PTPRD: variants seen among roughly 807,000 people sequenced by gnomAD.
PTPRD encodes protein tyrosine phosphatase receptor type D, also known as receptor-type tyrosine-protein phosphatase delta.
Under a neutral mutation model 214.5 loss-of-function variants are expected in PTPRD, and 34 were observed. The observed-to-expected ratio is 0.16, with a 90% CI of 0.12 to 0.21. The LOEUF (loss-of-function observed/expected upper bound fraction) is 0.21. PTPRD is among the 10% of genes least tolerant of loss of function. PTPRD has a pLI of 1.00. For missense variants in PTPRD, 2,545 were observed against 2,398.7 expected, an observed-to-expected ratio of 1.06 and a Z score of -1.27; for synonymous variants, 1,128 against 845.7, an observed-to-expected ratio of 1.33 and a Z score of -5.79.
chr9:9,528,723 G>C (rs893458261), intron 8 of PTPRD, among the ~76,000 whole-genome samples: 1 of 151,742 alleles, frequency 6.6e-6, no homozygotes, highest in Admixed American at 6.6e-5. Flanking sequence ...GAAGAAAAAG[G>C]AAATATTGCA....
At chr9:8,706,054 A>T (rs539176738) in intron 12 of PTPRD, among the ~76,000 whole-genome samples, 9 of 152,328 alleles carry the variant, frequency 5.9e-5, no homozygotes, top group African/African-American at 2.2e-4. Flanking sequence ...TACAGGACTC[A>T]AATTCTCCCA....
chr9:10,027,198 A>G (rs1312128909), intron 4 of PTPRD, among the ~76,000 whole-genome samples: 2 of 152,216 alleles, frequency 1.3e-5, no homozygotes, highest in African/African-American at 4.8e-5. Flanking sequence ...GAATGAATAT[A>G]TTATATCATA....
intron 2 of PTPRD, among the ~76,000 whole-genome samples, chr9:10,575,509 C>T (rs1349286939): frequency 6.6e-6 from 1 of 152,072 alleles, no homozygotes; most frequent in Non-Finnish European, 1.5e-5. Context: ...TAACTGTGCA[C>T]ATTCTCCTTG....
At chr9:8,504,050 A>G (rs1180437280) in intron 23 of PTPRD, among the ~76,000 whole-genome samples, 5 of 152,202 alleles carry the variant, frequency 3.3e-5, no homozygotes, top group African/African-American at 1.2e-4. Flanking sequence ...CTTTCAGTGT[A>G]GGAAGTGGGA....
At chr9:10,434,049 T>C (rs2154521509) in intron 2 of PTPRD, among the ~76,000 whole-genome samples, 1 of 152,112 alleles carries the variant, frequency 6.6e-6, no homozygotes, top group South Asian at 2.1e-4. Flanking sequence ...CTGAATACTA[T>C]ATTTTAAATG....
In PTPRD at chr9:8,341,170, T is replaced by C; in HGVS notation, c.5046A>G (p.Glu1682=). ...KNRLVNIMPY[E]STRVCLQPIR... ...TAGGCTGCAGGCATACCCTTGTGGA[T>C]TCATATGGCATAATATTAACAAGGC... The change falls in exon 41 of 46, where the codon GAA becomes GAG. Residue 1682 remains glutamate, a synonymous_variant. Transcript: ENST00000381196. 6.2e-7 allele frequency: 1 copy of C among 1,613,252 alleles called. No individual in the cohort carries two copies. The highest frequency in any genetic ancestry group is 8.5e-7 in the Non-Finnish European group (1 of 1,179,500).
chr9:8,826,597 G>A (rs1248896871), intron 11 of PTPRD, among the ~76,000 whole-genome samples: 9 of 149,256 alleles, frequency 6.0e-5, no homozygotes, highest in Admixed American at 3.3e-4. Flanking sequence ...TTACTTAAAT[G>A]TACAAGACCA....
At chr9:9,960,016 C>T (rs896333671) in intron 4 of PTPRD, among the ~76,000 whole-genome samples, 2 of 152,050 alleles carry the variant, frequency 1.3e-5, no homozygotes, top group Non-Finnish European at 2.9e-5. Context: ...ACAGTAGCAA[C>T]AAACATGCCT....
chr9:9,050,902 G>T (rs1183884649), intron 10 of PTPRD, among the ~76,000 whole-genome samples: 1 of 152,152 alleles, frequency 6.6e-6, no homozygotes, highest in Non-Finnish European at 1.5e-5. Context: ...AATAGATATA[G>T]GGTTTGGTAC....
chr9:8,342,619 A>T (rs1374443447), intron 39 of PTPRD, among the ~76,000 whole-genome samples: 1 of 152,116 alleles, frequency 6.6e-6, no homozygotes, highest in Non-Finnish European at 1.5e-5. Context: ...GTAACAGGCA[A>T]CAGACAGCCT....
chr9:9,768,146 T>C (rs1409857949), intron 5 of PTPRD, among the ~76,000 whole-genome samples: 1 of 152,180 alleles, frequency 6.6e-6, no homozygotes, highest in Non-Finnish European at 1.5e-5. Context: ...AAAACTAGTC[T>C]TTTTCACACC....
intron 3 of PTPRD, among the ~76,000 whole-genome samples, chr9:10,116,711 A>T (rs1331833577): frequency 6.6e-6 from 1 of 152,012 alleles, no homozygotes; most frequent in East Asian, 1.9e-4. Context: ...ATGTCACTGC[A>T]CTCCTGAAAA....
chr9:9,446,595 CCAGT>C lies in PTPRD; in HGVS notation c.-236-49117_-236-49114del, dbSNP rs1441324658. ...TTATTGAGGGCACATTATTGAGCACCCAGTCAATGTTATTGTCAATGGTGCCACA... is the reference window on the plus strand; with the variant it reads ...TTATTGAGGGCACATTATTGAGCACCCAATGTTATTGTCAATGGTGCCACA... On this transcript the variant is annotated intron_variant, in intron 8 of 45. Transcript: ENST00000381196. 3.3e-5 allele frequency among the ~76,000 whole-genome samples: 5 copies of C among 152,126 alleles called. No homozygotes were observed. In the East Asian group the frequency reaches 9.7e-4, roughly 29 times the overall value.
intron 16 of PTPRD, 66 bp from the exon 17 acceptor site, chr9:8,526,710 C>G: frequency 7.4e-7 from 1 of 1,348,544 alleles, no homozygotes; most frequent in Non-Finnish European, 1.0e-6. Flanking sequence ...AAGAAGGAGG[C>G]TAGGGCTGGG....
chr9:10,475,737 C>T (rs905195874), intron 2 of PTPRD, among the ~76,000 whole-genome samples: 1 of 152,062 alleles, frequency 6.6e-6, no homozygotes, highest in Admixed American at 6.6e-5. Context: ...CAATAAAATA[C>T]TAGCAAATCA....
chr9:9,646,302 G>GGT (rs890972498), intron 7 of PTPRD, among the ~76,000 whole-genome samples: 9 of 142,280 alleles, frequency 6.3e-5, no homozygotes, highest in African/African-American at 1.4e-4. Flanking sequence ...TTTTGGGAGG[G>GGT]GTGTGTGTGT....
chr9:8,713,558 G>A (rs772932764), intron 12 of PTPRD: 6 of 1,385,998 alleles, frequency 4.3e-6, no homozygotes, highest in South Asian at 1.2e-5. Context: ...ATCTGGCTGC[G>A]CTGTGACTCC....
chr9:9,913,783 A>G (rs768294761), intron 5 of PTPRD, among the ~76,000 whole-genome samples: 17 of 152,168 alleles, frequency 1.1e-4, no homozygotes, highest in Non-Finnish European at 2.1e-4. Flanking sequence ...CTGGGAATTC[A>G]TTACCCTGGA....
Position 9,327,843 on chromosome 9 carries a change from GGAA to G in PTPRD, c.-203+69603_-203+69605del, listed in dbSNP as rs532645882. On this transcript the variant is annotated intron_variant, in intron 9 of 45. Coordinates refer to ENST00000381196, the MANE Select transcript of PTPRD (RefSeq NM_002839.4). ...TCTTTTGGCTTCCCTGGGCCACGTT[GGAA>G]GAAGAATTGTTTTGGGCCACACATA... 2.3e-4 allele frequency among the ~76,000 whole-genome samples: 35 copies of G among 151,286 alleles called. No homozygotes were observed. In the South Asian group the frequency reaches 7.1e-3, roughly 31 times the overall value.
Sources: allele counts gnomAD v4.1 joint callset (sites outside exome capture counted in the v4.1 genomes callset), GRCh38; gene constraint gnomAD v4.1.1; transcripts MANE v1.5; gene names NCBI Gene and HGNC (gene_info 2026-07-23, HGNC 2026-07-21).